CACNA2D1: variants seen among roughly 807,000 people sequenced by gnomAD.
CACNA2D1 encodes the protein voltage-dependent calcium channel subunit alpha-2/delta-1.
In CACNA2D1, 53 loss-of-function variants were observed where a neutral mutation model predicts 171.5. That is an observed-to-expected ratio of 0.31 (90% CI 0.25 to 0.39). CACNA2D1 has a LOEUF of 0.39. Ranked by LOEUF, CACNA2D1 falls within the 10% of genes least tolerant of loss-of-function variation. The probability of loss-of-function intolerance (pLI) is 1.00; values close to 1 mark genes in which losing one functional copy is unlikely to be tolerated. For missense variants in CACNA2D1, 903 were observed against 1,299.8 expected (o/e 0.69, Z 4.69); for synonymous variants, 442 against 443.1 (o/e 1.00, Z 0.03).
At chr7:82,055,332 C>T (rs1209186987) in intron 10 of CACNA2D1, among the ~76,000 whole-genome samples, 2 of 152,130 alleles carry the variant, frequency 1.3e-5, no homozygotes, top group Non-Finnish European at 2.9e-5. Flanking sequence ...ATACTTTCCT[C>T]ATGATCTGAT....
chr7:82,135,984 T>C (rs1791555800), intron 5 of CACNA2D1, among the ~76,000 whole-genome samples: 2 of 152,182 alleles, frequency 1.3e-5, no homozygotes, highest in Non-Finnish European at 2.9e-5. Context: ...TAACCTTTAT[T>C]AGATAACTTC....
intron 1 of CACNA2D1, among the ~76,000 whole-genome samples, chr7:82,363,517 G>A (rs527488305): frequency 1.6e-4 from 25 of 151,918 alleles, no homozygotes; most frequent in Admixed American, 8.5e-4. Flanking sequence ...CACCAGCCTC[G>A]GCCTCCCAAA....
rs535189451 is a variant in CACNA2D1 at position 82,154,138 on chromosome 7, T to C, written c.354+16412A>G. Among the ~76,000 whole-genome samples, 5 of 152,328 alleles carry C rather than the reference T, an allele frequency of 3.3e-5. No homozygotes were observed. In the East Asian group the frequency reaches 5.8e-4, roughly 18 times the overall value. ...AGGACCGTGAAAAACATAATGTGTG[T>C]AGTTCTCAACAAACAGAAAAAGATG... On this transcript the variant is annotated intron_variant, in intron 4 of 38. Transcript: ENST00000356860.
intron 3 of CACNA2D1, among the ~76,000 whole-genome samples, chr7:82,269,418 T>C (rs1211959408): frequency 6.6e-6 from 1 of 152,194 alleles, no homozygotes; most frequent in African/African-American, 2.4e-5. Flanking sequence ...CTACCTACTT[T>C]TCCAGCCTCA....
rs55737158 is a variant in CACNA2D1 at position 82,172,616 on chromosome 7, C to CTTTTTTTTTTTT, written c.295-2019_295-2008dup. ...TACAGGTTTGCATCAAGAAACCCGG[C>CTTTTTTTTTTTT]TTTTTTTTTTTTTTTTTTTTTTTTG... On this transcript the variant is annotated intron_variant, in intron 3 of 38. Coordinates refer to ENST00000356860, the MANE Select transcript of CACNA2D1 (RefSeq NM_000722.4). Among the ~76,000 whole-genome samples, 17 of 64,514 alleles carry CTTTTTTTTTTTT rather than the reference C, an allele frequency of 2.6e-4. 1 individual carries two copies. The highest frequency in any genetic ancestry group is 1.3e-3 in the African/African-American group (17 of 13,264). The allele number at this position is 64,514 out of a possible 152,430, so 42.3% of individuals were successfully genotyped here. A position where few individuals can be genotyped will look rare whatever the true frequency, so the allele number is the denominator to read the frequency against.
intron 10 of CACNA2D1, chr7:82,050,996 A>C: frequency 4.0e-6 from 1 of 248,556 alleles, no homozygotes; most frequent in Non-Finnish European, 8.0e-6. Flanking sequence ...AATGAGTCAA[A>C]CCAGATGTGA....
At chr7:82,266,586 G>A (rs546975723) in intron 3 of CACNA2D1, among the ~76,000 whole-genome samples, 3 of 151,284 alleles carry the variant, frequency 2.0e-5, no homozygotes, top group East Asian at 1.9e-4. Flanking sequence ...GTGTGATCTC[G>A]GCTCACTGCA....
chr7:82,281,752 C>A (rs927901719), intron 3 of CACNA2D1, among the ~76,000 whole-genome samples: 1 of 151,828 alleles, frequency 6.6e-6, no homozygotes, highest in Non-Finnish European at 1.5e-5. Context: ...ATCAAATGTA[C>A]GTGTCATTAT....
intron 3 of CACNA2D1, among the ~76,000 whole-genome samples, chr7:82,245,814 C>T (rs545546494): frequency 5.9e-5 from 9 of 152,112 alleles, no homozygotes; most frequent in African/African-American, 1.9e-4. Flanking sequence ...TTATAAAAGT[C>T]ATGGTATCTT....
intron 1 of CACNA2D1, among the ~76,000 whole-genome samples, chr7:82,363,564 C>A (rs1821337588): frequency 6.6e-6 from 1 of 152,086 alleles, no homozygotes; most frequent in Non-Finnish European, 1.5e-5. Context: ...CACGCCCCGC[C>A]TGTTTGTCTT....
chr7:82,122,073 T>A (rs2129058515), intron 5 of CACNA2D1, among the ~76,000 whole-genome samples: 1 of 152,234 alleles, frequency 6.6e-6, no homozygotes, highest in South Asian at 2.1e-4. Flanking sequence ...TTATGATGTA[T>A]AAAAGAGAAG....
At chr7:82,366,153 G>A (rs1821678908) in intron 1 of CACNA2D1, among the ~76,000 whole-genome samples, 1 of 152,130 alleles carries the variant, frequency 6.6e-6, no homozygotes, top group Non-Finnish European at 1.5e-5. Flanking sequence ...TGAAATTTTG[G>A]TCTTGAACTT....
rs186553375 is a variant in CACNA2D1 at position 82,050,024 on chromosome 7, T to G, written c.879+10404A>C. Among the ~76,000 whole-genome samples the G allele has an allele frequency of 5.3e-5, 8 of 152,304 alleles. No individual in the cohort carries two copies. In the East Asian group the frequency reaches 1.5e-3, roughly 29 times the overall value. On this transcript the variant is annotated intron_variant, in intron 10 of 38. Coordinates refer to ENST00000356860, the MANE Select transcript of CACNA2D1 (RefSeq NM_000722.4). ...GTGCAGCAATTTACAATTGTACTCATTTTCATAGGCTGAGTAGCGAAGTTC... is the reference window on the plus strand; with the variant it reads ...GTGCAGCAATTTACAATTGTACTCAGTTTCATAGGCTGAGTAGCGAAGTTC...
At chr7:82,228,928 C>T (rs1430228661) in intron 3 of CACNA2D1, among the ~76,000 whole-genome samples, 2 of 152,056 alleles carry the variant, frequency 1.3e-5, no homozygotes, top group African/African-American at 4.8e-5. Context: ...TTTAAAAGCT[C>T]CTAAGATGAC....
At chr7:82,118,757 C>A (rs558309200) in intron 5 of CACNA2D1, among the ~76,000 whole-genome samples, 1 of 151,942 alleles carries the variant, frequency 6.6e-6, no homozygotes, top group African/African-American at 2.4e-5. Flanking sequence ...TTAGAAATAA[C>A]TTTAAAATAA....
chr7:82,076,333 C>T (rs1272823772), intron 7 of CACNA2D1, among the ~76,000 whole-genome samples: 3 of 152,052 alleles, frequency 2.0e-5, no homozygotes, highest in Admixed American at 6.6e-5. Context: ...AGTGCTTGAG[C>T]GTAAACAGAG....
At chr7:82,005,585 C>T in intron 17 of CACNA2D1, 88 bp from the exon 18 acceptor site, 1 of 897,254 alleles carries the variant, frequency 1.1e-6, no homozygotes, top group Non-Finnish European at 1.8e-6. Flanking sequence ...GTATTAAATA[C>T]ACATTGTATA....
intron 4 of CACNA2D1, among the ~76,000 whole-genome samples, chr7:82,164,090 A>G (rs562685731): frequency 4.6e-5 from 7 of 152,110 alleles, no homozygotes; most frequent in Non-Finnish European, 1.0e-4. Context: ...CGCCATGACT[A>G]TACCAAAGCT....
intron 3 of CACNA2D1, among the ~76,000 whole-genome samples, chr7:82,217,118 C>T (rs190947692): frequency 6.6e-6 from 1 of 151,764 alleles, no homozygotes; most frequent in East Asian, 1.9e-4. Flanking sequence ...TTATTAGTAT[C>T]ATCTTTCTGA....
Sources: gnomAD v4.1 joint callset for allele counts (sites outside exome capture counted in the v4.1 genomes callset) on GRCh38, gnomAD v4.1.1 for gene constraint, MANE v1.5 for transcripts, NCBI Gene and HGNC (gene_info 2026-07-23, HGNC 2026-07-21) for gene names.